The following TRIO variants were observed in gnomAD, a reference collection of about 807,000 sequenced individuals.
The protein encoded by TRIO is triple functional domain protein.
Under a neutral mutation model 351.9 loss-of-function variants are expected in TRIO, and 58 were observed. That is an observed-to-expected ratio of 0.16 (90% CI 0.13 to 0.21). The LOEUF (loss-of-function observed/expected upper bound fraction) is 0.21, where lower values mean the gene tolerates loss of function less well. Among genes scored for constraint, TRIO ranks in the 10% least tolerant of loss-of-function variants. The probability of loss-of-function intolerance (pLI) is 1.00; values close to 1 mark genes in which losing one functional copy is unlikely to be tolerated. For synonymous variants in TRIO, 1,758 were observed against 1,595.7 expected (o/e 1.10, Z -2.42); for missense variants, 3,201 against 4,027.8 (o/e 0.79, Z 5.56).
chr5:14,203,294 A>G (rs1190396750), intron 1 of TRIO, among the ~76,000 whole-genome samples: 1 of 152,214 alleles, frequency 6.6e-6, no homozygotes, highest in Non-Finnish European at 1.5e-5. Context: ...TTCCTGTGGA[A>G]TAAGTCTGCA....
intron 1 of TRIO, among the ~76,000 whole-genome samples, chr5:14,221,818 A>G (rs1417516566): frequency 6.6e-6 from 1 of 152,252 alleles, no homozygotes; most frequent in East Asian, 1.9e-4. Context: ...AGTGACAACA[A>G]AGGATTTCCA....
At chr5:14,453,195 C>T (rs1450981934) in intron 34 of TRIO, among the ~76,000 whole-genome samples, 1 of 151,952 alleles carries the variant, frequency 6.6e-6, no homozygotes, top group East Asian at 1.9e-4. Context: ...TTTGAATTGA[C>T]TTTCTCTTGG....
At chr5:14,251,017 G>T (rs892313998) in intron 1 of TRIO, among the ~76,000 whole-genome samples, 1 of 152,160 alleles carries the variant, frequency 6.6e-6, no homozygotes, top group African/African-American at 2.4e-5. Flanking sequence ...GGAACCCTTT[G>T]AATTTGATCC....
intron 1 of TRIO, among the ~76,000 whole-genome samples, chr5:14,188,300 ATTAT>A (rs1790245729): frequency 6.6e-6 from 1 of 152,190 alleles, no homozygotes. Flanking sequence ...CATTGCCTGT[ATTAT>A]TTAATAAGTG....
chr5:14,339,822 T>C (rs1229068331), intron 11 of TRIO, among the ~76,000 whole-genome samples: 3 of 152,224 alleles, frequency 2.0e-5, no homozygotes, highest in African/African-American at 7.2e-5. Flanking sequence ...CTTGGTAGGT[T>C]CCATGCGGGA....
chr5:14,243,577 T>C (rs531025246), intron 1 of TRIO, among the ~76,000 whole-genome samples: 14 of 152,242 alleles, frequency 9.2e-5, no homozygotes, highest in Admixed American at 2.0e-4. Context: ...CATAATATCT[T>C]ATAATGAATG....
chr5:14,403,772 T>C (rs374711394), intron 31 of TRIO, among the ~76,000 whole-genome samples: 2 of 48,860 alleles, frequency 4.1e-5, no homozygotes, highest in Non-Finnish European at 7.9e-5. Flanking sequence ...GGTGAGGGTG[T>C]AGGTTGTGGT....
Position 14,497,718 on chromosome 5 carries a change from T to G in TRIO, c.8020-129T>G, listed in dbSNP as rs1756994315. 1 of 1,201,138 alleles carries G rather than the reference T, an allele frequency of 8.3e-7. No individual in the cohort carries two copies. The highest frequency in any genetic ancestry group is 1.2e-6 in the Non-Finnish European group (1 of 816,862). 74.4% of individuals were successfully genotyped at this position (1,201,138 alleles called of 1,614,324 possible). A position where few individuals can be genotyped will look rare whatever the true frequency, so the allele number is the denominator to read the frequency against. Reference sequence around the variant, plus strand: ...TTTTGAGTGCAGTGAAAATGTGGTCTGTTTTGATTGATGCCCAGGCAAGTC... The same window carrying G: ...TTTTGAGTGCAGTGAAAATGTGGTCGGTTTTGATTGATGCCCAGGCAAGTC... On this transcript the variant is annotated intron_variant, in intron 50 of 56. Transcript: ENST00000344204. The surrounding 1 kb of genome is among the most constrained non-coding windows in gnomAD (Gnocchi z 4.4).
intron 18 of TRIO, 84 bp from the exon 19 acceptor site, chr5:14,374,145 T>TA (rs1561408437): frequency 4.4e-6 from 4 of 909,830 alleles, no homozygotes; most frequent in Non-Finnish European, 5.1e-6. Context: ...GGTAAAGACA[T>TA]ACGTTAGAGT....
At chr5:14,374,063 AT>A (rs916810320) in intron 18 of TRIO, among the ~76,000 whole-genome samples, 165 bp from the exon 19 acceptor site, 25 of 151,760 alleles carry the variant, frequency 1.6e-4, no homozygotes, top group African/African-American at 5.3e-4. Context: ...GGAGAGAGAG[AT>A]TTTTTTTTAA....
chr5:14,321,256 C>A (rs932599413), intron 9 of TRIO, among the ~76,000 whole-genome samples: 1 of 152,210 alleles, frequency 6.6e-6, no homozygotes, highest in Admixed American at 6.5e-5. Flanking sequence ...ACAGAAGAGG[C>A]AGGACCCATC....
At chr5:14,312,604 T>C (rs1739026552) in intron 8 of TRIO, among the ~76,000 whole-genome samples, 1 of 152,248 alleles carries the variant, frequency 6.6e-6, no homozygotes, top group Non-Finnish European at 1.5e-5. Flanking sequence ...ATTTTCTTTT[T>C]GCAGCTGTTG....
At chr5:14,313,171 A>C (rs971085166) in intron 8 of TRIO, among the ~76,000 whole-genome samples, 1 of 152,222 alleles carries the variant, frequency 6.6e-6, no homozygotes, top group African/African-American at 2.4e-5. Context: ...CGCTGTCACT[A>C]TCAGTAAATG....
At chr5:14,456,348 C>T (rs941463026) in intron 34 of TRIO, among the ~76,000 whole-genome samples, 1 of 152,254 alleles carries the variant, frequency 6.6e-6, no homozygotes, top group Admixed American at 6.5e-5. Context: ...TGAAGGGCTC[C>T]TCAAGCGTGG....
At chr5:14,422,158 T>C (rs1750221681) in intron 34 of TRIO, among the ~76,000 whole-genome samples, 1 of 152,270 alleles carries the variant, frequency 6.6e-6, no homozygotes, top group Non-Finnish European at 1.5e-5. Context: ...TTGCACACCA[T>C]GGCATGCATC....
chr5:14,423,126 A>G (rs1750319285), intron 34 of TRIO, among the ~76,000 whole-genome samples: 1 of 152,248 alleles, frequency 6.6e-6, no homozygotes, highest in African/African-American at 2.4e-5. Context: ...GACGCCGGGC[A>G]TAGCAGGATT....
chr5:14,466,946 G>A (rs1301540653), intron 37 of TRIO, among the ~76,000 whole-genome samples: 7 of 152,066 alleles, frequency 4.6e-5, no homozygotes, highest in Non-Finnish European at 7.4e-5. Flanking sequence ...TAAGCCAGGC[G>A]CTGTTCTAAG....
intron 34 of TRIO, among the ~76,000 whole-genome samples, chr5:14,453,959 G>A (rs1387573943): frequency 6.6e-6 from 1 of 151,414 alleles, no homozygotes; most frequent in Non-Finnish European, 1.5e-5. Context: ...TTTGAGACAG[G>A]GTCTCACTCA....
intron 11 of TRIO, among the ~76,000 whole-genome samples, chr5:14,353,111 C>T (rs1743288448): frequency 6.6e-6 from 1 of 151,962 alleles, no homozygotes; most frequent in African/African-American, 2.4e-5. Flanking sequence ...TTGGTAGGAA[C>T]CCGAATGTGT....
Sources: allele counts gnomAD v4.1 joint callset (sites outside exome capture counted in the v4.1 genomes callset), GRCh38; gene constraint gnomAD v4.1.1; non-coding constraint Gnocchi (gnomAD v3.1); transcripts MANE v1.5; gene names NCBI Gene and HGNC (gene_info 2026-07-23, HGNC 2026-07-21).